The following PDE4C variants were observed in gnomAD, a reference collection of about 807,000 sequenced individuals.
PDE4C encodes 3',5'-cyclic-AMP phosphodiesterase 4C.
PDE4C carries 50 observed loss-of-function variants against 63.9 expected under a neutral mutation model. That is an observed-to-expected ratio of 0.78 (90% CI 0.62 to 0.99). The LOEUF is 0.99. Among genes scored for constraint, PDE4C ranks in the 50% least tolerant of loss-of-function variants. The probability of loss-of-function intolerance (pLI) is 0.00; values close to 1 mark genes in which losing one functional copy is unlikely to be tolerated. For synonymous variants in PDE4C, 377 were observed against 385.1 expected (o/e 0.98, Z 0.25); for missense variants, 777 against 899.1 (o/e 0.86, Z 1.74).
chr19:18,221,189 G>A lies in PDE4C; in HGVS notation c.376-11C>T, dbSNP rs553188308. 1 of 1,570,586 alleles carries A rather than the reference G, an allele frequency of 6.4e-7. No homozygotes were observed. The highest frequency in any genetic ancestry group is 2.3e-5 in the East Asian group (1 of 44,398). On this transcript the variant is annotated splice_polypyrimidine_tract_variant and intron_variant, in intron 3 of 14. Transcript: ENST00000262805. ...CAGACTGGCCAGGACCTGTTGGGAGGAGGTGGTAGGCGGTGGGAAGGAGAG... is the reference window on the plus strand; with the variant it reads ...CAGACTGGCCAGGACCTGTTGGGAGAAGGTGGTAGGCGGTGGGAAGGAGAG...
upstream of PDE4C, among the ~76,000 whole-genome samples, chr19:18,238,534 G>A (rs999823037): frequency 4.0e-5 from 6 of 151,572 alleles, no homozygotes; most frequent in Non-Finnish European, 7.4e-5. Flanking sequence ...CACTGCGCCC[G>A]GCCGAGACCC....
intron 14 of PDE4C, 102 bp from the exon 15 acceptor site, chr19:18,211,378 A>T: frequency 1.0e-6 from 1 of 969,716 alleles, no homozygotes; most frequent in East Asian, 2.6e-5. Context: ...CTCTGCCTGG[A>T]ATGCCGCTTC....
Position 18,211,267 on chromosome 19 carries a change from T to C in PDE4C, c.1705A>G (p.Ile569Val), listed in dbSNP as rs369402107. The change falls in exon 15 of 15, where the codon ATT (isoleucine) becomes GTT (valine). Residue 569 changes from isoleucine (I) to valine (V), a missense_variant. By Grantham distance (29) the Ile-to-Val change is conservative (BLOSUM62 3). Coordinates refer to ENST00000262805, the Ensembl canonical transcript of PDE4C. ...CACAGTGGGTGAGCAATGTAGTCAA[T>C]GAAACCCACCTGTGGCGGGGGGTGG... 250 of 1,581,822 alleles carry C rather than the reference T, an allele frequency of 1.6e-4. No individual in the cohort carries two copies. Among genetic ancestry groups the C allele is most frequent in the Non-Finnish European group, 2.0e-4 (227 of 1,160,132 alleles).
rs762040366 is a variant in PDE4C, at chr19:18,233,291, T to TGGA, written c.-103_-101dup. The TGGA allele has an allele frequency of 2.6e-5, 39 of 1,495,770 alleles. No individual in the cohort carries two copies. In the African/African-American group the frequency reaches 5.1e-4, roughly 20 times the overall value. 92.7% of individuals were successfully genotyped at this position (1,495,770 alleles called of 1,614,324 possible). A position where few individuals can be genotyped will look rare whatever the true frequency, so the allele number is the denominator to read the frequency against. On this transcript the variant is annotated 5_prime_UTR_variant, in exon 1 of 15. Transcript: ENST00000594465. ...CCCGGGTCCGGCCCAGGGCCGGGAG[T>TGGA]GGAGGCGACAGCGAGGAGCTGTCCG...
upstream of PDE4C, among the ~76,000 whole-genome samples, chr19:18,251,703 T>TCCCCGCCCCCGCCCC (rs1969232232): frequency 1.5e-5 from 1 of 68,804 alleles, no homozygotes; most frequent in Admixed American, 1.4e-4. Context: ...GCCCCCGCCC[T>TCCCCGCCCCCGCCCC]CGGCCTCCCA....
chr19:18,211,439 A>G (rs1967934546), intron 14 of PDE4C, among the ~76,000 whole-genome samples, 163 bp from the exon 15 acceptor site: 1 of 151,998 alleles, frequency 6.6e-6, no homozygotes, highest in Non-Finnish European at 1.5e-5. Context: ...CATTCTCTAG[A>G]ATGCCTCCCT....
At chr19:18,216,318 G>C (rs563719953) in intron 12 of PDE4C, among the ~76,000 whole-genome samples, 94 of 150,880 alleles carry the variant, frequency 6.2e-4, no homozygotes, top group Non-Finnish European at 1.2e-3. Flanking sequence ...GAGTGCAGTG[G>C]TGCGATCTCA....
intron 1 of PDE4C, chr19:18,225,913 C>G (rs952567462): frequency 4.8e-6 from 1 of 208,056 alleles, no homozygotes; most frequent in African/African-American, 2.4e-5. Flanking sequence ...ACTGCCAGGA[C>G]GCACAGCCTG....
intron 2 of PDE4C, 90 bp from the exon 3 acceptor site, chr19:18,221,387 C>G: frequency 4.6e-6 from 6 of 1,308,118 alleles, no homozygotes; most frequent in Non-Finnish European, 5.2e-6. Flanking sequence ...GGGTCCTGCT[C>G]TCAGGACTTC....
At chr19:18,254,030 C>T in the PDE4C span, among the ~76,000 whole-genome samples, 2 of 152,208 alleles carry the variant, frequency 1.3e-5, no homozygotes, top group Non-Finnish European at 2.9e-5. Flanking sequence ...GGGGCTGGGT[C>T]CACATGCCAC....
At chr19:18,245,555 G>C (rs1056588700) in intron 1 of PDE4C, among the ~76,000 whole-genome samples, 2 of 152,228 alleles carry the variant, frequency 1.3e-5, no homozygotes, top group African/African-American at 4.8e-5. Flanking sequence ...AAAATGGCCA[G>C]CTGCTTGTTT....
intron 1 of PDE4C, among the ~76,000 whole-genome samples, chr19:18,232,588 GAC>G (rs887764930): frequency 2.6e-5 from 4 of 151,870 alleles, no homozygotes; most frequent in African/African-American, 9.7e-5. Flanking sequence ...CACAAGGGGA[GAC>G]ACACAGGCAC....
chr19:18,220,251 G>A lies in PDE4C; in HGVS notation c.681C>T (p.Ser227=), dbSNP rs141979509. The change falls in exon 7 of 15, where the codon TCC becomes TCT. Residue 227 remains serine (S), a synonymous_variant. Coordinates refer to ENST00000262805, the Ensembl canonical transcript of PDE4C. The surrounding 1 kb of genome is among the most constrained non-coding windows in gnomAD (Gnocchi z 5.1). ...CCAGGAAGGTCCGGGAGATGTACTC[G>A]GACACCTGGTTCCCGGAGCGGCTGG... 5.0e-6 allele frequency: 8 copies of A among 1,613,844 alleles called. No individual in the cohort carries two copies. The highest frequency in any genetic ancestry group is 2.2e-5 in the East Asian group (1 of 44,890).
rs1397323166 is a variant in PDE4C at position 18,220,381 on chromosome 19, T to G, written c.612+22A>C. 1 of 1,611,792 alleles carries G rather than the reference T, an allele frequency of 6.2e-7. No individual in the cohort carries two copies. Among genetic ancestry groups the G allele is most frequent in the African/African-American group, 1.3e-5 (1 of 74,812 alleles). On this transcript the variant is annotated intron_variant, in intron 6 of 14. Transcript: ENST00000262805. The surrounding 1 kb of genome is among the most constrained non-coding windows in gnomAD (Gnocchi z 5.1). ...GCACCGTGGGCCGAGGCAGGTGAGC[T>G]CAGCGATCTGCCCCACCTCACCTTG...
rs1488097314 is a variant in PDE4C, at chr19:18,213,615, A to G, written c.1390-125T>C. ...TGGGCCTCAGCATACTCATCTGTGAAATGGAAGGATGCAACTGCATTCACT... is the reference window on the plus strand; with the variant it reads ...TGGGCCTCAGCATACTCATCTGTGAGATGGAAGGATGCAACTGCATTCACT... On this transcript the variant is annotated intron_variant, in intron 12 of 14. Transcript: ENST00000262805. The G allele has an allele frequency of 5.5e-6, 6 of 1,094,938 alleles. No individual in the cohort carries two copies. In the Admixed American group the frequency reaches 8.7e-5, roughly 16 times the overall value. The allele number at this position is 1,094,938 out of a possible 1,614,324, so 67.8% of individuals were successfully genotyped here.
At chr19:18,253,146 A>AGT (rs1969250835), upstream of PDE4C, among the ~76,000 whole-genome samples, 1 of 152,140 alleles carries the variant, frequency 6.6e-6, no homozygotes, top group Non-Finnish European at 1.5e-5. Context: ...AGTGCTGGGC[A>AGT]GCTCCTTTAA....
chr19:18,221,037 T>A, intron 4 of PDE4C, 68 bp downstream of exon 4: 1 of 967,540 alleles, frequency 1.0e-6, no homozygotes, highest in Non-Finnish European at 1.4e-6. Flanking sequence ...AGCCTCAATT[T>A]GCAGCCCGCT....
exon 15 of PDE4C, chr19:18,210,588 C>T (rs1967877800): frequency 4.8e-6 from 1 of 208,188 alleles, no homozygotes; most frequent in African/African-American, 2.3e-5. Flanking sequence ...AATTAAGTGA[C>T]AGATGTGACT....
At chr19:18,242,627 CA>C (rs11341261) in intron 1 of PDE4C, among the ~76,000 whole-genome samples, 109,225 of 150,524 alleles carry the variant, frequency 0.73, 40,095 homozygotes, top group East Asian at 0.86. Flanking sequence ...ACTAAAAATA[CA>C]AAAAAAAATA....
Sources: gnomAD v4.1 joint callset for allele counts (sites outside exome capture counted in the v4.1 genomes callset) on GRCh38, gnomAD v4.1.1 for gene constraint, Gnocchi (gnomAD v3.1) non-coding constraint, MANE v1.5 for transcripts, NCBI Gene and HGNC (gene_info 2026-07-23, HGNC 2026-07-21) for gene names.